The following ENTPD1 variants were observed in gnomAD, a reference collection of about 807,000 sequenced individuals.
The protein encoded by ENTPD1 is ATP diphosphohydrolase.
ENTPD1 carries 33 observed loss-of-function variants against 57.0 expected under a neutral mutation model. The observed-to-expected ratio is 0.58, with a 90% CI of 0.44 to 0.77. The LOEUF (loss-of-function observed/expected upper bound fraction) is 0.77. Ranked by LOEUF, ENTPD1 falls within the 30% of genes least tolerant of loss-of-function variation. The pLI, the probability that ENTPD1 is intolerant of heterozygous loss-of-function variation, is 0.00. For missense variants in ENTPD1, 501 were observed against 603.4 expected, an observed-to-expected ratio of 0.83 and a Z score of 1.78; for synonymous variants, 202 against 218.8, an observed-to-expected ratio of 0.92 and a Z score of 0.68.
intron 1 of ENTPD1, among the ~76,000 whole-genome samples, chr10:95,771,381 A>G (rs944784521): frequency 6.6e-6 from 1 of 152,214 alleles, no homozygotes. Context: ...TTTAGGATCA[A>G]TTCCTAAAAG....
chr10:95,703,483 A>G, the ENTPD1 span, among the ~76,000 whole-genome samples: 5 of 152,220 alleles, frequency 3.3e-5, no homozygotes, highest in Non-Finnish European at 7.3e-5. Flanking sequence ...CTGAAATAGT[A>G]TAAGATCTTT....
intron 1 of ENTPD1, among the ~76,000 whole-genome samples, chr10:95,777,863 C>T (rs778578379): frequency 2.6e-5 from 4 of 152,228 alleles, no homozygotes; most frequent in East Asian, 3.9e-4. Context: ...TCGGCAATGG[C>T]GGATGCCCCT....
At chr10:95,846,925 G>A (rs2098436838) in intron 6 of ENTPD1, among the ~76,000 whole-genome samples, 1 of 151,692 alleles carries the variant, frequency 6.6e-6, no homozygotes, top group African/African-American at 2.4e-5. Context: ...GGAGGCTGAG[G>A]TTGCAGTGAG....
At chr10:95,720,084 G>A (rs1366011988) in intron 1 of ENTPD1, among the ~76,000 whole-genome samples, 1 of 152,092 alleles carries the variant, frequency 6.6e-6, no homozygotes, top group Non-Finnish European at 1.5e-5. Context: ...GAGTATTGCA[G>A]GGGCTATTGC....
chr10:95,830,998 T>G (rs952743674), intron 2 of ENTPD1, among the ~76,000 whole-genome samples: 1 of 152,142 alleles, frequency 6.6e-6, no homozygotes, highest in Non-Finnish European at 1.5e-5. Flanking sequence ...CCTGCCATGG[T>G]CTAGGCAAGG....
chr10:95,871,587 G>A lies in ENTPD1; in HGVS notation c.*5204G>A, dbSNP rs2098480504. ...TAATGGATTTTTCAATAGTGAGGAGGTGCCTCCATGAGCCTTCTCTTTAGA... is the reference window on the plus strand; with the variant it reads ...TAATGGATTTTTCAATAGTGAGGAGATGCCTCCATGAGCCTTCTCTTTAGA... On this transcript the variant is annotated 3_prime_UTR_variant, in exon 10 of 10. Coordinates refer to ENST00000371205, the MANE Select transcript of ENTPD1 (RefSeq NM_001776.6). 5 of 985,420 alleles carry A rather than the reference G, an allele frequency of 5.1e-6. No homozygotes were observed. The highest frequency in any genetic ancestry group is 4.8e-6 in the Non-Finnish European group (4 of 829,928). The allele number at this position is 985,420 out of a possible 1,614,324, so 61.0% of individuals were successfully genotyped here. A position where few individuals can be genotyped will look rare whatever the true frequency, so the allele number is the denominator to read the frequency against.
chr10:95,698,895 A>C, the ENTPD1 span, among the ~76,000 whole-genome samples: 3 of 152,260 alleles, frequency 2.0e-5, no homozygotes, highest in African/African-American at 7.2e-5. Flanking sequence ...CAATAAGCAG[A>C]TCCCGCCTGT....
Position 95,876,425 on chromosome 10 carries a change from TTCTGCAATCTATAG to T in ENTPD1, c.*10043_*10056del. 8 of 1,231,398 alleles carry T rather than the reference TTCTGCAATCTATAG, an allele frequency of 6.5e-6. No homozygotes were observed. The highest frequency in any genetic ancestry group is 8.1e-6 in the Non-Finnish European group (8 of 987,732). 76.3% of individuals were successfully genotyped at this position (1,231,398 alleles called of 1,614,324 possible). A position where few individuals can be genotyped will look rare whatever the true frequency, so the allele number is the denominator to read the frequency against. On this transcript the variant is annotated 3_prime_UTR_variant, in exon 10 of 10. Coordinates refer to ENST00000371205, the MANE Select transcript of ENTPD1 (RefSeq NM_001776.6). ...ATCATAATGTTCCCTTTCTCCTCGG[TTCTGCAATCTATAG>T]GCATACCATAATTGTAATCAATAGC... is the stretch of plus-strand genomic sequence containing the variant.
chr10:95,810,425 C>A (rs118189757), intron 1 of ENTPD1, among the ~76,000 whole-genome samples: 1 of 145,236 alleles, frequency 6.9e-6, no homozygotes, highest in Non-Finnish European at 1.5e-5. Flanking sequence ...TGGGCAGAGG[C>A]GCTCCTCACT....
chr10:95,706,075 G>GGTGA, the ENTPD1 span, among the ~76,000 whole-genome samples: 1 of 152,146 alleles, frequency 6.6e-6, no homozygotes, highest in Non-Finnish European at 1.5e-5. Flanking sequence ...TTCCTGCCTG[G>GGTGA]GTGAGTGAGT....
At chr10:95,698,682 C>T in the ENTPD1 span, among the ~76,000 whole-genome samples, 5 of 152,226 alleles carry the variant, frequency 3.3e-5, no homozygotes, top group African/African-American at 1.2e-4. Context: ...AAGGGAGTCC[C>T]ACCGGCAAGA....
chr10:95,795,834 G>A (rs186303455), intron 1 of ENTPD1, among the ~76,000 whole-genome samples: 9 of 152,216 alleles, frequency 5.9e-5, no homozygotes, highest in Admixed American at 2.0e-4. Context: ...GCTAAGGAAC[G>A]ACCAATGACC....
chr10:95,870,046 G>A lies in ENTPD1; in HGVS notation c.*3663G>A, dbSNP rs998621677. On this transcript the variant is annotated 3_prime_UTR_variant, in exon 10 of 10. Coordinates refer to ENST00000371205, the MANE Select transcript of ENTPD1 (RefSeq NM_001776.6). ...TTGGGAGGTAGTTTAAAGAGCTATA[G>A]ATGCTGTAACATTCTTGCTATTATT... The A allele has an allele frequency of 6.1e-6, 6 of 985,276 alleles. No homozygotes were observed. Among genetic ancestry groups the A allele is most frequent in the Admixed American group, 6.1e-5 (1 of 16,268 alleles). The allele number at this position is 985,276 out of a possible 1,614,324, so 61.0% of individuals were successfully genotyped here. A position where few individuals can be genotyped will look rare whatever the true frequency, so the allele number is the denominator to read the frequency against.
At chr10:95,697,463 C>G in the ENTPD1 span, among the ~76,000 whole-genome samples, 4 of 152,204 alleles carry the variant, frequency 2.6e-5, no homozygotes, top group Non-Finnish European at 5.9e-5. Flanking sequence ...CATTTCAAAA[C>G]TTAATCCCCA....
chr10:95,860,728 A>G lies in ENTPD1; in HGVS notation c.1188+146A>G, dbSNP rs949477158. 8.5e-6 allele frequency: 6 copies of G among 707,042 alleles called. No individual in the cohort carries two copies. In the African/African-American group the frequency reaches 1.1e-4, roughly 12 times the overall value. The allele number at this position is 707,042 out of a possible 1,614,324, so 43.8% of individuals were successfully genotyped here. A position where few individuals can be genotyped will look rare whatever the true frequency, so the allele number is the denominator to read the frequency against. ...AGAAGACCAGATGGTGGACTCAGGA[A>G]TGAATTTATCAGCATTCCTTGATAA... On this transcript the variant is annotated intron_variant, in intron 8 of 9. Transcript: ENST00000371205.
intron 1 of ENTPD1, among the ~76,000 whole-genome samples, chr10:95,806,798 T>C (rs1402068708): frequency 6.6e-6 from 1 of 152,104 alleles, no homozygotes; most frequent in Non-Finnish European, 1.5e-5. Context: ...AGACCCTGTT[T>C]GTCTGGGTAT....
In ENTPD1 at chr10:95,714,964, C is replaced by T. The variant is rs573519242; in HGVS notation, c.37+2971C>T. Among the ~76,000 whole-genome samples, 12 of 152,220 alleles carry T rather than the reference C, an allele frequency of 7.9e-5. No homozygotes were observed. In the South Asian group the frequency reaches 2.5e-3, roughly 32 times the overall value. ...GCCTTGGAATTGTTTTGCAAAAGGA[C>T]AACGGGAATGAAAAGAATCGTTAAG... is the stretch of plus-strand genomic sequence containing the variant. On this transcript the variant is annotated intron_variant, in intron 1 of 9. Coordinates refer to the ENTPD1 transcript ENST00000453258.
chr10:95,751,575 C>T (rs1398354350), upstream of ENTPD1, among the ~76,000 whole-genome samples: 1 of 152,098 alleles, frequency 6.6e-6, no homozygotes, highest in Non-Finnish European at 1.5e-5. Context: ...ATTAGCCAGG[C>T]ATGGTGGTGT....
At chr10:95,726,083 A>G (rs1303607570) in intron 1 of ENTPD1, among the ~76,000 whole-genome samples, 2 of 152,170 alleles carry the variant, frequency 1.3e-5, no homozygotes, top group African/African-American at 4.8e-5. Flanking sequence ...ATAGTTTCCC[A>G]TTGTTGTTAC....
Sources: allele counts gnomAD v4.1 joint callset (sites outside exome capture counted in the v4.1 genomes callset), GRCh38; gene constraint gnomAD v4.1.1; transcripts MANE v1.5; gene names NCBI Gene and HGNC (gene_info 2026-07-23, HGNC 2026-07-21).